The following FAM13B variants were observed in gnomAD, a reference collection of about 807,000 sequenced individuals.
The protein encoded by FAM13B is family with sequence similarity 13 member B.
In FAM13B, 60 loss-of-function variants were observed where a neutral mutation model predicts 117.3. That is an observed-to-expected ratio of 0.51 (90% CI 0.42 to 0.63). The LOEUF is 0.63. FAM13B is among the 30% of genes least tolerant of loss of function. The pLI, the probability that FAM13B is intolerant of heterozygous loss-of-function variation, is 0.00. For synonymous variants in FAM13B, 332 were observed against 356.1 expected (o/e 0.93, Z 0.76); for missense variants, 972 against 1,091.9 (o/e 0.89, Z 1.55).
At chr5:137,979,413 C>CA (rs1356408767) in intron 10 of FAM13B, among the ~76,000 whole-genome samples, 2 of 152,126 alleles carry the variant, frequency 1.3e-5, no homozygotes, top group African/African-American at 2.4e-5. Flanking sequence ...ATGACTACTA[C>CA]AAAAAACCTT....
intron 7 of FAM13B, among the ~76,000 whole-genome samples, chr5:137,997,729 G>C (rs1780209532): frequency 6.6e-6 from 1 of 151,962 alleles, no homozygotes; most frequent in African/African-American, 2.4e-5. Context: ...TACATGAACA[G>C]ACCAATCAAT....
intron 10 of FAM13B, among the ~76,000 whole-genome samples, chr5:137,976,765 T>G (rs546470798): frequency 6.6e-6 from 1 of 152,338 alleles, no homozygotes; most frequent in Admixed American, 6.5e-5. Flanking sequence ...TATGCCTGTC[T>G]TTACTTTAAT....
chr5:138,015,268 T>C (rs1257223555), intron 4 of FAM13B, among the ~76,000 whole-genome samples: 2 of 152,320 alleles, frequency 1.3e-5, no homozygotes, highest in African/African-American at 4.8e-5. Flanking sequence ...ACCACACCAG[T>C]GGATGCACTG....
In FAM13B at chr5:137,948,913, T is replaced by C. The variant is rs765572326; in HGVS notation, c.2160+42A>G. On this transcript the variant is annotated intron_variant, in intron 18 of 23. Transcript: ENST00000689681. ...TATAGTAATTATTTTGTTTCAGGAA[T>C]TCTAAAGGCTAATCTGGGCAAAAAT... is the stretch of plus-strand genomic sequence containing the variant. 2.0e-6 allele frequency: 3 copies of C among 1,487,610 alleles called. No individual in the cohort carries two copies. In the South Asian group the frequency reaches 3.4e-5, roughly 17 times the overall value. The allele number at this position is 1,487,610 out of a possible 1,614,324, so 92.2% of individuals were successfully genotyped here. A position where few individuals can be genotyped will look rare whatever the true frequency, so the allele number is the denominator to read the frequency against.
chr5:138,032,696 G>A, intron 1 of FAM13B, 86 bp downstream of exon 1: 1 of 983,128 alleles, frequency 1.0e-6, no homozygotes, highest in Non-Finnish European at 1.2e-6. Context: ...GGTGGCAGGC[G>A]GCGCTGGGGG....
In FAM13B at chr5:137,946,455, G is replaced by A. The variant is rs535028376; in HGVS notation, c.2161-144C>T. 2.6e-5 allele frequency: 15 copies of A among 569,166 alleles called. 1 individual carries two copies. The highest frequency in any genetic ancestry group is 4.7e-4 in the Middle Eastern group (1 of 2,112). The allele number at this position is 569,166 out of a possible 1,614,324, so 35.3% of individuals were successfully genotyped here. A position where few individuals can be genotyped will look rare whatever the true frequency, so the allele number is the denominator to read the frequency against. ...GCAGACGATCAACAGTCTAGCCCAG[G>A]CCTTTGCTTGCAGATTTGCAGGCAA... is the stretch of plus-strand genomic sequence containing the variant. On this transcript the variant is annotated intron_variant, in intron 18 of 23. Coordinates refer to ENST00000689681, the MANE Select transcript of FAM13B (RefSeq NM_001385994.1).
At chr5:137,974,153 C>T (rs891176438) in intron 10 of FAM13B, among the ~76,000 whole-genome samples, 80 of 150,592 alleles carry the variant, frequency 5.3e-4, no homozygotes, top group Non-Finnish European at 9.3e-4. Context: ...GACACATGCA[C>T]ACGTATGTTT....
chr5:138,045,992 C>G (rs939922400), intron 1 of FAM13B, among the ~76,000 whole-genome samples: 4 of 151,894 alleles, frequency 2.6e-5, no homozygotes, highest in Admixed American at 2.0e-4. Flanking sequence ...TTGGCTGTGT[C>G]CCCACCCAAA....
chr5:138,022,765 T>C (rs1787109327), intron 1 of FAM13B, among the ~76,000 whole-genome samples: 1 of 152,150 alleles, frequency 6.6e-6, no homozygotes, highest in South Asian at 2.1e-4. Flanking sequence ...GAGCAAGTTT[T>C]ATACATCACT....
intron 10 of FAM13B, among the ~76,000 whole-genome samples, chr5:137,966,124 A>C (rs1026361081): frequency 1.3e-5 from 2 of 151,978 alleles, no homozygotes; most frequent in Admixed American, 6.6e-5. Context: ...TATTTTGCAA[A>C]AACCTACTAG....
chr5:137,954,225 C>A lies in FAM13B; in HGVS notation c.1659G>T (p.Gln553His), dbSNP rs1765805582. 1.2e-6 allele frequency: 2 copies of A among 1,613,958 alleles called. No individual in the cohort carries two copies. Among genetic ancestry groups the A allele is most frequent in the South Asian group, 2.2e-5 (2 of 91,084 alleles). Residue 553 changes from glutamine to histidine, a missense_variant, in exon 15 of 24, where the codon CAG becomes CAT. By Grantham distance (24) the Gln-to-His change is conservative. Transcript: ENST00000689681. Reference sequence around the variant, plus strand: ...ACTTTTCTGGATCATGTAGGAAACGCTGGCTTTGACCAAAATCTAAACTGC... The same window carrying A: ...ACTTTTCTGGATCATGTAGGAAACGATGGCTTTGACCAAAATCTAAACTGC... ...SHRSLDFGQSQRFLHDPEKLD... is the reference protein window; with the variant it reads ...SHRSLDFGQSHRFLHDPEKLD...
chr5:138,037,793 A>T (rs1791298981), upstream of FAM13B, among the ~76,000 whole-genome samples: 1 of 152,192 alleles, frequency 6.6e-6, no homozygotes, highest in Non-Finnish European at 1.5e-5. Context: ...ATAAGAAACG[A>T]GCCACCCTAG....
At chr5:138,029,440 T>C (rs551093719) in intron 1 of FAM13B, among the ~76,000 whole-genome samples, 3 of 152,356 alleles carry the variant, frequency 2.0e-5, no homozygotes, top group East Asian at 1.9e-4. Flanking sequence ...AAGATCATTA[T>C]GGAAATACTA....
At chr5:138,014,258 T>C (rs1392256028) in intron 4 of FAM13B, among the ~76,000 whole-genome samples, 1 of 152,174 alleles carries the variant, frequency 6.6e-6, no homozygotes, top group East Asian at 1.9e-4. Context: ...GATTTTCATC[T>C]AGTTTTTTTC....
intron 10 of FAM13B, among the ~76,000 whole-genome samples, chr5:137,974,751 C>G (rs1269511934): frequency 6.6e-6 from 1 of 150,934 alleles, no homozygotes; most frequent in African/African-American, 2.4e-5. Context: ...TCTTTTATGT[C>G]TAAAATGTTG....
At chr5:137,982,673 T>A (rs1056362376) in intron 10 of FAM13B, among the ~76,000 whole-genome samples, 6 of 152,176 alleles carry the variant, frequency 3.9e-5, no homozygotes, top group African/African-American at 1.4e-4. Context: ...TTATTTATCA[T>A]CCTCTTTGTC....
chr5:137,945,864 A>C lies in FAM13B; in HGVS notation c.2340+38T>G. Reference sequence around the variant, plus strand: ...TTTTTTTTGGGAAGAGTACATCTTGATAAAATGAACCAGAGAATTATTGCT... The same window carrying C: ...TTTTTTTTGGGAAGAGTACATCTTGCTAAAATGAACCAGAGAATTATTGCT... On this transcript the variant is annotated intron_variant, in intron 20 of 23. Transcript: ENST00000689681. 6.1e-6 allele frequency: 9 copies of C among 1,487,076 alleles called. 1 individual carries two copies. The highest frequency in any genetic ancestry group is 6.5e-6 in the Non-Finnish European group (7 of 1,074,108). 92.1% of individuals were successfully genotyped at this position (1,487,076 alleles called of 1,614,324 possible). A position where few individuals can be genotyped will look rare whatever the true frequency, so the allele number is the denominator to read the frequency against.
intron 10 of FAM13B, among the ~76,000 whole-genome samples, chr5:137,975,220 G>A (rs1166868689): frequency 6.6e-6 from 1 of 152,062 alleles, no homozygotes; most frequent in Non-Finnish European, 1.5e-5. Context: ...CATACATCCT[G>A]TCCAACTAAT....
At chr5:138,036,108 G>A (rs2151116939), upstream of FAM13B, 1 of 316,594 alleles carries the variant, frequency 3.2e-6, no homozygotes, top group East Asian at 8.0e-5. Flanking sequence ...TGTGGGACAA[G>A]GTTGTGCACT....
Sources: gnomAD v4.1 joint callset for allele counts (sites outside exome capture counted in the v4.1 genomes callset) on GRCh38, gnomAD v4.1.1 for gene constraint, MANE v1.5 for transcripts, NCBI Gene and HGNC (gene_info 2026-07-23, HGNC 2026-07-21) for gene names.